USP3: variants seen among roughly 807,000 people sequenced by gnomAD.
USP3 encodes the protein ubiquitin carboxyl-terminal hydrolase 3.
A neutral mutation model predicts 72.3 loss-of-function variants in USP3; 20 were observed. The observed-to-expected ratio is 0.28, with a 90% CI of 0.19 to 0.40. USP3 has a LOEUF of 0.40. Among genes scored for constraint, USP3 ranks in the 10% least tolerant of loss-of-function variants. The pLI, the probability that USP3 is intolerant of heterozygous loss-of-function variation, is 1.00. For missense variants in USP3, 479 were observed against 633.9 expected (o/e 0.76, Z 2.62); for synonymous variants, 222 against 225.3 (o/e 0.99, Z 0.13).
At chr15:63,562,828 G>T (rs2066629349) in intron 7 of USP3, 67 bp from the exon 8 acceptor site, 1 of 1,007,990 alleles carries the variant, frequency 9.9e-7, no homozygotes, top group Non-Finnish European at 1.5e-6. Flanking sequence ...ATTTTAGATG[G>T]GTGGACGCTG....
chr15:63,576,493 T>C (rs2066866242), intron 11 of USP3, among the ~76,000 whole-genome samples: 1 of 152,196 alleles, frequency 6.6e-6, no homozygotes, highest in Non-Finnish European at 1.5e-5. Context: ...AATAGTTTAA[T>C]ATCAAGCAGA....
At chr15:63,582,118 A>T (rs953154646) in intron 11 of USP3, among the ~76,000 whole-genome samples, 10 of 152,074 alleles carry the variant, frequency 6.6e-5, no homozygotes, top group Admixed American at 2.0e-4. Context: ...CAGAAATTTT[A>T]TGTTTAGAAA....
At chr15:63,524,672 T>C (rs2065957676) in intron 1 of USP3, among the ~76,000 whole-genome samples, 1 of 152,172 alleles carries the variant, frequency 6.6e-6, no homozygotes, top group African/African-American at 2.4e-5. Flanking sequence ...CCCCCAGTGG[T>C]GTCATAATCT....
chr15:63,556,478 A>C, intron 4 of USP3, 189 bp from the exon 5 acceptor site: 1 of 452,474 alleles, frequency 2.2e-6, no homozygotes, highest in South Asian at 4.0e-5. Context: ...TGGAGGAGCA[A>C]TGGGGATTTC....
intron 1 of USP3, among the ~76,000 whole-genome samples, chr15:63,517,295 A>G (rs928037808): frequency 3.3e-5 from 5 of 151,720 alleles, no homozygotes; most frequent in East Asian, 1.9e-4. Flanking sequence ...TCATTTCCCA[A>G]TCATTCCTTT....
At position 63,553,495 on chromosome 15, in the gene USP3, A is replaced by G. The variant is rs1302665918; in HGVS notation, c.285-220A>G. The G allele has an allele frequency of 2.6e-6, 1 of 381,692 alleles. No homozygotes were observed. Among genetic ancestry groups the G allele is most frequent in the Non-Finnish European group, 4.7e-6 (1 of 213,504 alleles). 23.6% of individuals were successfully genotyped at this position (381,692 alleles called of 1,614,324 possible). Reference sequence around the variant, plus strand: ...AGGAATTGAAGAGCTTTTGAGTAAAAAACGTGAAAAGAAGCTCATGTTCAT... The same window carrying G: ...AGGAATTGAAGAGCTTTTGAGTAAAGAACGTGAAAAGAAGCTCATGTTCAT... On this transcript the variant is annotated intron_variant, in intron 3 of 14. Coordinates refer to ENST00000380324, the MANE Select transcript of USP3 (RefSeq NM_006537.4). This position sits in a 1 kb window ranked among gnomAD's most constrained non-coding sequence, Gnocchi z 4.2.
intron 1 of USP3, among the ~76,000 whole-genome samples, chr15:63,513,750 A>C (rs899273885): frequency 6.6e-6 from 1 of 152,224 alleles, no homozygotes; most frequent in Non-Finnish European, 1.5e-5. Flanking sequence ...TGCCGGAGTA[A>C]TATTTTGATT....
intron 3 of USP3, among the ~76,000 whole-genome samples, chr15:63,546,896 C>A (rs888387621): frequency 6.6e-6 from 1 of 152,218 alleles, no homozygotes; most frequent in African/African-American, 2.4e-5. Context: ...GCGTGAGCCA[C>A]CGCGTCCAGC....
chr15:63,559,629 CTTTGT>C (rs879717707), intron 6 of USP3, among the ~76,000 whole-genome samples: 2 of 152,032 alleles, frequency 1.3e-5, no homozygotes, highest in African/African-American at 2.4e-5. Context: ...GTTTTCAGCT[CTTTGT>C]TTTTTGTTTT....
Position 63,588,452 on chromosome 15 carries a change from A to G in USP3, c.1215+29A>G. 1 of 1,486,202 alleles carries G rather than the reference A, an allele frequency of 6.7e-7. No individual in the cohort carries two copies. 92.1% of individuals were successfully genotyped at this position (1,486,202 alleles called of 1,614,324 possible). ...AGTGTTGAATTTTGAGTTATGAAGC[A>G]ATTTCAATGGGAAAGTGCTTGACTG... On this transcript the variant is annotated intron_variant, in intron 12 of 14. Coordinates refer to ENST00000380324, the MANE Select transcript of USP3 (RefSeq NM_006537.4). This position sits in a 1 kb window ranked among gnomAD's most constrained non-coding sequence, Gnocchi z 4.6.
chr15:63,521,997 A>G (rs1446446136), intron 1 of USP3, among the ~76,000 whole-genome samples: 2 of 152,182 alleles, frequency 1.3e-5, no homozygotes, highest in African/African-American at 4.8e-5. Context: ...GCTGGAGTGC[A>G]GTGGCGCTAT....
At chr15:63,571,130 T>C (rs909241745) in intron 9 of USP3, among the ~76,000 whole-genome samples, 2 of 152,210 alleles carry the variant, frequency 1.3e-5, no homozygotes, top group African/African-American at 4.8e-5. Context: ...CCCCCAAGTA[T>C]ACACTGAGAT....
intron 6 of USP3, 93 bp downstream of exon 6, chr15:63,558,281 A>G (rs2066545050): frequency 7.1e-7 from 1 of 1,401,920 alleles, no homozygotes; most frequent in Non-Finnish European, 1.0e-6. Flanking sequence ...CTCTAGTCAT[A>G]TGGTTTGGAG....
chr15:63,585,324 AT>A (rs1346409007), intron 11 of USP3, among the ~76,000 whole-genome samples: 1 of 152,170 alleles, frequency 6.6e-6, no homozygotes, highest in Non-Finnish European at 1.5e-5. Flanking sequence ...GGTAGTAATA[AT>A]CATGTTAACA....
At position 63,588,147 on chromosome 15, in the gene USP3, T is replaced by C. The variant is rs2067112923; in HGVS notation, c.1097-158T>C. On this transcript the variant is annotated intron_variant, in intron 11 of 14. Transcript: ENST00000380324. This position sits in a 1 kb window ranked among gnomAD's most constrained non-coding sequence, Gnocchi z 4.6. Reference sequence around the variant, plus strand: ...CCTTATAATAGTTCTTCAAAGTAGGTATTATTTTTTGTCTCCAGTTTGCAA... The same window carrying C: ...CCTTATAATAGTTCTTCAAAGTAGGCATTATTTTTTGTCTCCAGTTTGCAA... 2 of 538,694 alleles carry C rather than the reference T, an allele frequency of 3.7e-6. 1 individual carries two copies. The highest frequency in any genetic ancestry group is 5.7e-5 in the South Asian group (2 of 35,092). The allele number at this position is 538,694 out of a possible 1,614,324, so 33.4% of individuals were successfully genotyped here. A position where few individuals can be genotyped will look rare whatever the true frequency, so the allele number is the denominator to read the frequency against.
At chr15:63,577,746 G>A (rs796970691) in intron 11 of USP3, among the ~76,000 whole-genome samples, 14 of 151,700 alleles carry the variant, frequency 9.2e-5, no homozygotes, top group African/African-American at 3.1e-4. Context: ...GCGAGACTCC[G>A]TCTCAAAATA....
rs372352635 is a variant in USP3, at chr15:63,574,074, A to G, written c.937A>G (p.Ile313Val). 12 of 1,596,376 alleles carry G rather than the reference A, an allele frequency of 7.5e-6. No individual in the cohort carries two copies. Among genetic ancestry groups the G allele is most frequent in the African/African-American group, 1.3e-5 (1 of 74,688 alleles). Residue 313 changes from isoleucine (I) to valine (V), a missense_variant, in exon 10 of 15, where the codon ATA becomes GTA. Physicochemically the swap from Ile to Val is conservative, Grantham distance 29 (BLOSUM62 3). Transcript: ENST00000380324. This position sits in a 1 kb window ranked among gnomAD's most constrained non-coding sequence, Gnocchi z 4.6. ...INGASTVVTA[I>V]FGGILQNEVN... ...TGGAGCATCTACTGTTGTCACGGCT[A>G]TATTCGGAGGCATTCTCCAAAATGA...
At chr15:63,581,507 T>C (rs1221454622) in intron 11 of USP3, among the ~76,000 whole-genome samples, 2 of 150,362 alleles carry the variant, frequency 1.3e-5, no homozygotes, top group African/African-American at 2.5e-5. Flanking sequence ...CTAAGCCTCC[T>C]GAGTAGCTGG....
At position 63,590,771 on chromosome 15, in the gene USP3, C is replaced by G. The variant is rs1179711988; in HGVS notation, c.1508C>G (p.Ala503Gly). 6.2e-7 allele frequency: 1 copy of G among 1,614,084 alleles called. No individual in the cohort carries two copies. Among genetic ancestry groups the G allele is most frequent in the Admixed American group, 1.7e-5 (1 of 60,006 alleles). ...GAGGAGACTGTGGTGAAGGCGAAGGCCTACATCCTTTTCTACGTGGAACAC... is the reference window on the plus strand; with the variant it reads ...GAGGAGACTGTGGTGAAGGCGAAGGGCTACATCCTTTTCTACGTGGAACAC... ...TDEETVVKAK[A>G]YILFYVEHQA... is the part of the protein sequence containing the mutation. The change falls in exon 15 of 15, where the codon GCC becomes GGC. Residue 503 changes from alanine (A) to glycine (G), a missense_variant. By Grantham distance (60) the Ala-to-Gly change is moderately conservative (BLOSUM62 0). Coordinates refer to ENST00000380324, the MANE Select transcript of USP3 (RefSeq NM_006537.4).
Sources: gnomAD v4.1 joint callset for allele counts (sites outside exome capture counted in the v4.1 genomes callset) on GRCh38, gnomAD v4.1.1 for gene constraint, Gnocchi (gnomAD v3.1) non-coding constraint, MANE v1.5 for transcripts, NCBI Gene and HGNC (gene_info 2026-07-23, HGNC 2026-07-21) for gene names.